Variants in RANBP2 observed in about 807,000 individuals in gnomAD.
The protein encoded by RANBP2 is E3 SUMO-protein ligase RanBP2.
Under a neutral mutation model 303.6 loss-of-function variants are expected in RANBP2, and 57 were observed. The ratio of observed to expected loss-of-function variants is 0.19; its 90% confidence interval spans 0.15 to 0.23. The LOEUF is 0.23. Ranked by LOEUF, RANBP2 falls within the 10% of genes least tolerant of loss-of-function variation. RANBP2 has a pLI of 1.00. For synonymous variants in RANBP2, 1,167 were observed against 1,301.5 expected (o/e 0.90, Z 2.23); for missense variants, 3,138 against 3,780.8 (o/e 0.83, Z 4.46).
chr2:109,188,620 G>A, the RANBP2 span, among the ~76,000 whole-genome samples: 22 of 152,344 alleles, frequency 1.4e-4, no homozygotes, highest in African/African-American at 5.1e-4. Context: ...CCTATGGTGA[G>A]GGTGCAGTCA....
At chr2:108,943,039 A>C in the RANBP2 span, among the ~76,000 whole-genome samples, 1 of 152,236 alleles carries the variant, frequency 6.6e-6, no homozygotes, top group Non-Finnish European at 1.5e-5. Flanking sequence ...GGCTATAAAT[A>C]ACCATTACAT....
At chr2:109,174,224 A>G in the RANBP2 span, among the ~76,000 whole-genome samples, 3 of 152,228 alleles carry the variant, frequency 2.0e-5, no homozygotes, top group African/African-American at 4.8e-5. Flanking sequence ...TTCGAAGAGT[A>G]AGGTGGACAT....
At chr2:108,750,413 C>T (rs1326199082) in intron 9 of RANBP2, among the ~76,000 whole-genome samples, 1 of 152,122 alleles carries the variant, frequency 6.6e-6, no homozygotes, top group Non-Finnish European at 1.5e-5. Context: ...AAAACTTCAA[C>T]AAAAAGTGTC....
the RANBP2 span, among the ~76,000 whole-genome samples, chr2:109,167,465 A>G: frequency 1.3e-5 from 2 of 152,240 alleles, no homozygotes; most frequent in Non-Finnish European, 2.9e-5. Context: ...CCCCCAGGCT[A>G]GGAGAGCTGG....
chr2:109,657,714 GTT>G, the RANBP2 span, among the ~76,000 whole-genome samples: 137 of 82,204 alleles, frequency 1.7e-3, no homozygotes, highest in African/African-American at 6.0e-3. Context: ...AATTAGCTGA[GTT>G]TTTTTTTTTT....
chr2:109,166,459 G>GAAA, the RANBP2 span, among the ~76,000 whole-genome samples: 98,754 of 133,884 alleles, frequency 0.74, 36,839 homozygotes, highest in South Asian at 0.84. Context: ...CCTGGTGACA[G>GAAA]AAAAAAAAAA....
chr2:109,140,005 T>A, the RANBP2 span, among the ~76,000 whole-genome samples: 3 of 152,084 alleles, frequency 2.0e-5, no homozygotes, highest in African/African-American at 7.3e-5. Context: ...TGATCAGAGG[T>A]AGTGACTCAT....
intron 1 of RANBP2, among the ~76,000 whole-genome samples, chr2:108,719,905 C>T (rs528475208): frequency 9.7e-4 from 147 of 151,440 alleles, no homozygotes; most frequent in African/African-American, 3.3e-3. Flanking sequence ...CTCTTTCTCC[C>T]GGCTTGTTCC....
the RANBP2 span, among the ~76,000 whole-genome samples, chr2:109,138,324 G>A: frequency 7.9e-5 from 12 of 152,334 alleles, no homozygotes; most frequent in East Asian, 2.1e-3. Context: ...ACTTCGCCTG[G>A]CCTCTCAGAT....
chr2:109,507,657 G>GGTCA, the RANBP2 span, among the ~76,000 whole-genome samples: 1 of 152,154 alleles, frequency 6.6e-6, no homozygotes, highest in Non-Finnish European at 1.5e-5. Flanking sequence ...GCCACACCAG[G>GGTCA]GTCAGCTGGT....
the RANBP2 span, among the ~76,000 whole-genome samples, chr2:109,020,501 G>A: frequency 3.9e-5 from 6 of 152,202 alleles, no homozygotes; most frequent in East Asian, 9.6e-4. Context: ...AGATTCCAAC[G>A]TGAACAATGG....
chr2:109,231,629 C>T, the RANBP2 span, among the ~76,000 whole-genome samples: 1,523 of 152,308 alleles, frequency 1.0e-2, 11 homozygotes, highest in South Asian at 0.024. Context: ...CCTCTGCTCT[C>T]AGATGACATG....
the RANBP2 span, among the ~76,000 whole-genome samples, chr2:109,414,141 C>T: frequency 6.6e-6 from 1 of 152,242 alleles, no homozygotes; most frequent in Non-Finnish European, 1.5e-5. Flanking sequence ...TGGTGTCCCG[C>T]AGATGGGGCC....
the RANBP2 span, among the ~76,000 whole-genome samples, chr2:109,422,658 G>A: frequency 4.5e-3 from 681 of 152,310 alleles, 9 homozygotes; most frequent in African/African-American, 0.015. Context: ...GCTGTGATTT[G>A]GGAAAGCAGA....
At chr2:109,414,526 C>T in the RANBP2 span, among the ~76,000 whole-genome samples, 5 of 152,246 alleles carry the variant, frequency 3.3e-5, no homozygotes, top group Non-Finnish European at 5.9e-5. Context: ...GGCTCACAGA[C>T]GCCATCTTGG....
the RANBP2 span, among the ~76,000 whole-genome samples, chr2:109,325,806 G>T: frequency 2.0e-5 from 3 of 152,178 alleles, no homozygotes; most frequent in South Asian, 4.1e-4. Flanking sequence ...CCTTATTACT[G>T]CAGGGCAAAG....
chr2:109,556,191 A>C, the RANBP2 span, among the ~76,000 whole-genome samples: 7 of 152,190 alleles, frequency 4.6e-5, no homozygotes, highest in Non-Finnish European at 8.8e-5. Flanking sequence ...CTATGTGTAG[A>C]ATTTTGGAGG....
At chr2:108,759,409 A>G (rs975603943) in intron 18 of RANBP2, among the ~76,000 whole-genome samples, 7 of 152,168 alleles carry the variant, frequency 4.6e-5, no homozygotes, top group African/African-American at 1.7e-4. Context: ...AGTATAATAC[A>G]TTGCTCCCAG....
the RANBP2 span, among the ~76,000 whole-genome samples, chr2:108,828,854 T>C: frequency 3.9e-4 from 59 of 152,202 alleles, no homozygotes; most frequent in African/African-American, 1.3e-3. Context: ...GGCAGGCACC[T>C]GTAATCCCAG....
Sources: allele counts gnomAD v4.1 joint callset (sites outside exome capture counted in the v4.1 genomes callset), GRCh38; gene constraint gnomAD v4.1.1; transcripts MANE v1.5; gene names NCBI Gene and HGNC (gene_info 2026-07-23, HGNC 2026-07-21).